The following ATRNL1 variants were observed in gnomAD, a reference collection of about 807,000 sequenced individuals.
ATRNL1 encodes the protein attractin like 1.
ATRNL1 carries 95 observed loss-of-function variants against 182.7 expected under a neutral mutation model. The observed-to-expected ratio is 0.52, with a 90% CI of 0.44 to 0.62. ATRNL1 has a LOEUF of 0.62. ATRNL1 is among the 20% of genes least tolerant of loss of function. The probability of loss-of-function intolerance (pLI) is 0.00; values close to 1 mark genes in which losing one functional copy is unlikely to be tolerated. For missense variants in ATRNL1, 1,471 were observed against 1,679.5 expected (o/e 0.88, Z 2.17); for synonymous variants, 576 against 568.3 (o/e 1.01, Z -0.19).
chr10:115,200,112 C>A (rs940144407), intron 8 of ATRNL1, among the ~76,000 whole-genome samples: 29 of 151,904 alleles, frequency 1.9e-4, no homozygotes, highest in Non-Finnish European at 1.0e-4. Flanking sequence ...ATACAAAGAA[C>A]AAATACAGTT....
chr10:115,335,415 G>C (rs1401321960), intron 19 of ATRNL1, among the ~76,000 whole-genome samples: 4 of 152,152 alleles, frequency 2.6e-5, no homozygotes, highest in Non-Finnish European at 4.4e-5. Flanking sequence ...AAATATGGCT[G>C]TCTGGGCCAC....
chr10:115,546,929 C>T (rs1468751636), intron 25 of ATRNL1, among the ~76,000 whole-genome samples: 1 of 151,970 alleles, frequency 6.6e-6, no homozygotes, highest in African/African-American at 2.4e-5. Flanking sequence ...TTTGTTTAAC[C>T]TAGAAGGCAG....
chr10:115,711,771 T>C (rs573933023), intron 26 of ATRNL1, among the ~76,000 whole-genome samples: 22 of 152,278 alleles, frequency 1.4e-4, no homozygotes, highest in African/African-American at 5.3e-4. Context: ...CGCCAACTTA[T>C]TTCTTATCTT....
intron 26 of ATRNL1, among the ~76,000 whole-genome samples, chr10:115,691,519 G>A (rs1555048212): frequency 6.6e-6 from 1 of 152,130 alleles, no homozygotes; most frequent in Non-Finnish European, 1.5e-5. Flanking sequence ...TTCAGGAATT[G>A]GAGACCAGCC....
At position 115,118,986 on chromosome 10, in the gene ATRNL1, T is replaced by A. The variant is rs151136627; in HGVS notation, c.294-1199T>A. Among the ~76,000 whole-genome samples the A allele has an allele frequency of 9.9e-5, 15 of 152,280 alleles. No homozygotes were observed. In the East Asian group the frequency reaches 2.9e-3, roughly 29 times the overall value. On this transcript the variant is annotated intron_variant, in intron 1 of 28. Transcript: ENST00000355044. ...TGCTTCAGACTTCTCATCTGTAATATGGAGTTATTAATTATTTACTATCTT... is the reference window on the plus strand; with the variant it reads ...TGCTTCAGACTTCTCATCTGTAATAAGGAGTTATTAATTATTTACTATCTT...
At chr10:115,587,112 C>T (rs1592901901) in intron 26 of ATRNL1, among the ~76,000 whole-genome samples, 1 of 149,270 alleles carries the variant, frequency 6.7e-6, no homozygotes, top group East Asian at 2.1e-4. Flanking sequence ...TCTGCCCGTT[C>T]TCAGATCTCC....
intron 26 of ATRNL1, among the ~76,000 whole-genome samples, chr10:115,634,956 CA>C (rs535015639): frequency 2.7e-4 from 40 of 150,692 alleles, no homozygotes; most frequent in South Asian, 4.2e-4. Context: ...AAAAAAATTA[CA>C]AAAAAAAATT....
chr10:115,884,198 G>T (rs1221298915), intron 28 of ATRNL1, among the ~76,000 whole-genome samples: 1 of 152,092 alleles, frequency 6.6e-6, no homozygotes, highest in Non-Finnish European at 1.5e-5. Context: ...CTTTATATCT[G>T]GCCCAATATT....
intron 26 of ATRNL1, among the ~76,000 whole-genome samples, chr10:115,626,131 C>T (rs2133817691): frequency 6.6e-6 from 1 of 152,252 alleles, no homozygotes; most frequent in South Asian, 2.1e-4. Context: ...ACTTATCATT[C>T]ATCATTTTTA....
At chr10:115,197,218 G>T (rs1249489062) in intron 8 of ATRNL1, among the ~76,000 whole-genome samples, 1 of 151,716 alleles carries the variant, frequency 6.6e-6, no homozygotes, top group African/African-American at 2.4e-5. Flanking sequence ...TGCATTCTTG[G>T]ATAAAGCTTA....
intron 5 of ATRNL1, among the ~76,000 whole-genome samples, chr10:115,132,175 G>A (rs1159490192): frequency 2.0e-5 from 3 of 147,106 alleles, no homozygotes; most frequent in Non-Finnish European, 4.4e-5. Context: ...GTGAGAACAC[G>A]CGGTGTTTGG....
intron 10 of ATRNL1, among the ~76,000 whole-genome samples, chr10:115,260,704 G>A (rs1245796090): frequency 6.6e-6 from 1 of 152,080 alleles, no homozygotes; most frequent in Non-Finnish European, 1.5e-5. Flanking sequence ...GAAGCAAAAT[G>A]TGAGATTTTA....
At chr10:115,682,241 G>A (rs1436235818) in intron 26 of ATRNL1, among the ~76,000 whole-genome samples, 7 of 152,062 alleles carry the variant, frequency 4.6e-5, no homozygotes, top group African/African-American at 1.4e-4. Context: ...CTGTGAAACA[G>A]AAAAAAAGGA....
chr10:115,824,654 A>G (rs782307571), intron 27 of ATRNL1, among the ~76,000 whole-genome samples: 1 of 152,224 alleles, frequency 6.6e-6, no homozygotes, highest in Non-Finnish European at 1.5e-5. Flanking sequence ...TCCTGCCAAC[A>G]AACATATGAA....
rs372370845 is a variant in ATRNL1 at position 115,160,009 on chromosome 10, C to A, written c.830-31C>A. ...CTATAATCTGAGGGCTTTGTTTAAT[C>A]TAGTGTGTTGTTTCATTTTTTTTTT... On this transcript the variant is annotated intron_variant, in intron 5 of 28. Coordinates refer to ENST00000355044, the MANE Select transcript of ATRNL1 (RefSeq NM_207303.4). 12 of 1,500,198 alleles carry A rather than the reference C, an allele frequency of 8.0e-6. No homozygotes were observed. In the East Asian group the frequency reaches 2.8e-4, roughly 35 times the overall value. The allele number at this position is 1,500,198 out of a possible 1,614,324, so 92.9% of individuals were successfully genotyped here.
At chr10:115,463,250 CA>C (rs141388830) in intron 22 of ATRNL1, among the ~76,000 whole-genome samples, 2 of 150,946 alleles carry the variant, frequency 1.3e-5, no homozygotes, top group African/African-American at 2.4e-5. Flanking sequence ...CCCCCATCAC[CA>C]AAAAAAAGAA....
chr10:115,469,463 T>TC, intron 24 of ATRNL1, 134 bp downstream of exon 24: 7 of 491,342 alleles, frequency 1.4e-5, no homozygotes, highest in Non-Finnish European at 2.5e-5. Context: ...CTTTGATAAA[T>TC]AAAGGTCTGC....
At chr10:115,430,772 G>C (rs1387419975) in intron 21 of ATRNL1, among the ~76,000 whole-genome samples, 2 of 152,012 alleles carry the variant, frequency 1.3e-5, no homozygotes, top group Non-Finnish European at 2.9e-5. Flanking sequence ...CATTTGATAG[G>C]GTATGGAGGC....
intron 15 of ATRNL1, among the ~76,000 whole-genome samples, chr10:115,295,730 A>G (rs1173946811): frequency 1.3e-5 from 2 of 152,112 alleles, no homozygotes; most frequent in African/African-American, 2.4e-5. Flanking sequence ...GACTGCCAGA[A>G]CATTCCTTTG....
Sources: allele counts gnomAD v4.1 joint callset (sites outside exome capture counted in the v4.1 genomes callset), GRCh38; gene constraint gnomAD v4.1.1; transcripts MANE v1.5; gene names NCBI Gene and HGNC (gene_info 2026-07-23, HGNC 2026-07-21).